THSD4: variants seen among roughly 807,000 people sequenced by gnomAD.
The protein encoded by THSD4 is thrombospondin type-1 domain-containing protein 4.
A neutral mutation model predicts 119.0 loss-of-function variants in THSD4; 69 were observed. That is an observed-to-expected ratio of 0.58 (90% CI 0.48 to 0.71). The LOEUF (loss-of-function observed/expected upper bound fraction) is 0.71. Ranked by LOEUF, THSD4 falls within the 30% of genes least tolerant of loss-of-function variation. The pLI is 0.00. For synonymous variants in THSD4, 524 were observed against 540.4 expected (o/e 0.97, Z 0.42); for missense variants, 1,393 against 1,391.1 (o/e 1.00, Z -0.02).
At chr15:71,183,276 A>G (rs148616620) in intron 3 of THSD4, 10 of 151,836 alleles carry the variant, frequency 6.6e-5, no homozygotes, top group African/African-American at 2.4e-4. Flanking sequence ...GTACGGGGGA[A>G]ACTGCCCCAG....
intron 15 of THSD4, among the ~76,000 whole-genome samples, chr15:71,763,104 G>A (rs978015343): frequency 3.3e-5 from 5 of 151,974 alleles, no homozygotes; most frequent in African/African-American, 7.3e-5. Context: ...AAAAAATCCC[G>A]TAGTTTTTTA....
At chr15:71,386,700 G>T (rs777788104) in intron 6 of THSD4, among the ~76,000 whole-genome samples, 7 of 152,174 alleles carry the variant, frequency 4.6e-5, no homozygotes, top group Non-Finnish European at 7.3e-5. Context: ...AAACATGATG[G>T]TTTGTTTCTT....
chr15:71,547,251 C>G (rs1025293323), intron 7 of THSD4: 1 of 1,408,184 alleles, frequency 7.1e-7, no homozygotes, highest in African/African-American at 1.5e-5. Flanking sequence ...AGAGGCTGAG[C>G]TCGAAGCGCC....
intron 7 of THSD4, among the ~76,000 whole-genome samples, chr15:71,450,896 A>G (rs1484853723): frequency 1.3e-5 from 2 of 152,196 alleles, no homozygotes; most frequent in East Asian, 3.9e-4. Flanking sequence ...TGGGGCTAGG[A>G]GCCGGGCGTG....
intron 6 of THSD4, among the ~76,000 whole-genome samples, chr15:71,379,515 G>T (rs562013438): frequency 1.5e-5 from 2 of 135,666 alleles, no homozygotes; most frequent in African/African-American, 5.6e-5. Context: ...CTGGAGTGCA[G>T]TGGTGCGATC....
chr15:71,216,595 GAA>G (rs960477917), intron 4 of THSD4, among the ~76,000 whole-genome samples: 3 of 152,250 alleles, frequency 2.0e-5, no homozygotes, highest in African/African-American at 7.2e-5. Flanking sequence ...TGAGTAGACA[GAA>G]GAGAGGAGTG....
chr15:71,360,240 T>A (rs1566953957), intron 6 of THSD4, among the ~76,000 whole-genome samples: 1 of 152,162 alleles, frequency 6.6e-6, no homozygotes, highest in Non-Finnish European at 1.5e-5. Flanking sequence ...TAGTCAAATT[T>A]CCTACATGGC....
chr15:71,237,328 G>A (rs8041950), intron 4 of THSD4, among the ~76,000 whole-genome samples: 68,271 of 151,720 alleles, frequency 0.45, 15,500 homozygotes, highest in Admixed American at 0.52. Context: ...CAATGGAATC[G>A]GAGTTTTTGC....
chr15:71,778,936 C>T lies in THSD4; in HGVS notation c.*1562C>T, dbSNP rs2053958960. The stretch of plus-strand genomic sequence containing the variant: ...AATGGCAAGCTAAACAAATGTTAAA[C>T]TTACAGAAAATTTGTCTTATGGTCC... On this transcript the variant is annotated 3_prime_UTR_variant, in exon 18 of 18. Coordinates refer to ENST00000261862, the MANE Select transcript of THSD4 (RefSeq NM_024817.3). 6.6e-6 allele frequency: 1 copy of T among 152,258 alleles called. No individual in the cohort carries two copies. Among genetic ancestry groups the T allele is most frequent in the African/African-American group, 2.4e-5 (1 of 41,470 alleles). The allele number at this position is 152,258 out of a possible 1,614,324, so 9.4% of individuals were successfully genotyped here.
chr15:71,664,797 C>T (rs1186852492), intron 8 of THSD4, among the ~76,000 whole-genome samples: 1 of 152,166 alleles, frequency 6.6e-6, no homozygotes, highest in Non-Finnish European at 1.5e-5. Context: ...TCTCCAGCTT[C>T]ACCCATGTTC....
Position 71,708,744 on chromosome 15 carries a change from G to C in THSD4, c.1358-19805G>C, listed in dbSNP as rs78425578. ...GTTTGGTTTGGTTTGGTTTTTGGCT[G>C]AGCCATGCATGTGGCAGTCTTTCTC... On this transcript the variant is annotated intron_variant, in intron 8 of 17. Transcript: ENST00000261862. Among the ~76,000 whole-genome samples the C allele has an allele frequency of 7.5e-3, 1,144 of 152,302 alleles. 14 individuals carry two copies. The highest frequency in any genetic ancestry group is 0.026 in the African/African-American group (1,082 of 41,554).
intron 7 of THSD4, among the ~76,000 whole-genome samples, chr15:71,544,305 A>C (rs1419955310): frequency 2.0e-5 from 3 of 152,228 alleles, no homozygotes; most frequent in Non-Finnish European, 2.9e-5. Context: ...GACTGTTGTC[A>C]TGGTTACATG....
chr15:71,479,695 A>G (rs1020211), intron 7 of THSD4, among the ~76,000 whole-genome samples: 15,212 of 152,196 alleles, frequency 0.1, 981 homozygotes, highest in Admixed American at 0.2. Flanking sequence ...CCAGATTTTA[A>G]AAGTACGTAC....
At chr15:71,727,108 A>G (rs2052856376) in intron 8 of THSD4, among the ~76,000 whole-genome samples, 1 of 152,010 alleles carries the variant, frequency 6.6e-6, no homozygotes, top group Non-Finnish European at 1.5e-5. Flanking sequence ...CCTCCTGAGT[A>G]CACACTAGAA....
At chr15:71,174,763 G>A (rs2043428973) in intron 3 of THSD4, among the ~76,000 whole-genome samples, 2 of 151,536 alleles carry the variant, frequency 1.3e-5, no homozygotes, top group Admixed American at 1.3e-4. Context: ...AGAGAGCAGG[G>A]GTTCTCCCAG....
intron 7 of THSD4, among the ~76,000 whole-genome samples, chr15:71,493,644 C>T (rs111396404): frequency 0.026 from 3,996 of 152,294 alleles, 164 homozygotes; most frequent in African/African-American, 0.087. Context: ...TTCACACTCA[C>T]TGTGAAGAGT....
At chr15:71,108,112 G>A (rs533554869) in intron 1 of THSD4, among the ~76,000 whole-genome samples, 7 of 152,340 alleles carry the variant, frequency 4.6e-5, no homozygotes, top group Non-Finnish European at 1.0e-4. Context: ...TACAAGGATA[G>A]GTGCAGCTCT....
chr15:71,587,484 G>A (rs1184428627), intron 7 of THSD4, among the ~76,000 whole-genome samples: 1 of 116,738 alleles, frequency 8.6e-6, no homozygotes, highest in Non-Finnish European at 1.9e-5. Flanking sequence ...GGACATGGAT[G>A]AAATTGGAAA....
At chr15:71,293,509 G>A (rs1378274173) in intron 6 of THSD4, among the ~76,000 whole-genome samples, 2 of 152,038 alleles carry the variant, frequency 1.3e-5, no homozygotes, top group Admixed American at 6.5e-5. Context: ...TGCATAACAT[G>A]GGCTTAGTAG....
Sources: allele counts gnomAD v4.1 joint callset (sites outside exome capture counted in the v4.1 genomes callset), GRCh38; gene constraint gnomAD v4.1.1; transcripts MANE v1.5; gene names NCBI Gene and HGNC (gene_info 2026-07-23, HGNC 2026-07-21).